Variants in AGL observed in about 807,000 individuals in gnomAD.
The protein encoded by AGL is glycogen debranching enzyme.
Under a neutral mutation model 199.3 loss-of-function variants are expected in AGL, and 128 were observed. That is an observed-to-expected ratio of 0.64 (90% CI 0.56 to 0.74). The LOEUF (loss-of-function observed/expected upper bound fraction) is 0.74, where lower values mean the gene tolerates loss of function less well. Ranked by LOEUF, AGL falls within the 30% of genes least tolerant of loss-of-function variation. The pLI, the probability that AGL is intolerant of heterozygous loss-of-function variation, is 0.00. For synonymous variants in AGL, 584 were observed against 594.7 expected (o/e 0.98, Z 0.26); for missense variants, 1,809 against 1,820.8 (o/e 0.99, Z 0.12).
At chr1:99,899,833 G>T (rs1445499290) in intron 25 of AGL, among the ~76,000 whole-genome samples, 4 of 151,400 alleles carry the variant, frequency 2.6e-5, no homozygotes, top group Non-Finnish European at 5.9e-5. Context: ...TGTTAGTCAG[G>T]ATGGTCTCGA....
At chr1:99,861,168 C>T in intron 2 of AGL, 1 of 1,179,436 alleles carries the variant, frequency 8.5e-7, no homozygotes, top group Non-Finnish European at 1.1e-6. Context: ...CCATTGGGTA[C>T]TTAATTCAGG....
In AGL at chr1:99,888,095, T is replaced by A; in HGVS notation, c.2799T>A (p.Tyr933Ter). The stretch of plus-strand genomic sequence containing the variant: ...TACCAAACTGGTCAGCCCTTAAATA[T>A]GCAGGTCTTCAAGGTAAGCAAATGG... ...YDIPNWSALK[Y>*]AGLQGLMSVL... The change falls in exon 21 of 34, where the codon TAT becomes TAA. Residue 933 changes from tyrosine (Y) to a stop codon, truncating the protein, a stop_gained. Coordinates refer to ENST00000361915, the MANE Select transcript of AGL (RefSeq NM_000642.3). LOFTEE classifies it high-confidence loss of function. The A allele has an allele frequency of 1.9e-6, 3 of 1,613,214 alleles. No homozygotes were observed. The highest frequency in any genetic ancestry group is 2.5e-6 in the Non-Finnish European group (3 of 1,179,534).
intron 12 of AGL, among the ~76,000 whole-genome samples, chr1:99,878,755 A>G (rs1047171038): frequency 2.0e-5 from 3 of 152,132 alleles, no homozygotes; most frequent in Non-Finnish European, 4.4e-5. Flanking sequence ...TTCAAGTCCT[A>G]TGATGAAAAA....
chr1:99,874,835 AAATAAT>A lies in AGL; in HGVS notation c.1082+30_1082+35del, dbSNP rs751938393. On this transcript the variant is annotated intron_variant, in intron 8 of 33. Coordinates refer to ENST00000361915, the MANE Select transcript of AGL (RefSeq NM_000642.3). ...AGTATGTAATGTGTTTTTTTCTGTG[AAATAAT>A]AATATTACTTACAAACCTTTATGGC... The A allele has an allele frequency of 3.7e-6, 6 of 1,609,554 alleles. No homozygotes were observed. In the African/African-American group the frequency reaches 6.7e-5, roughly 18 times the overall value.
rs1570527979 is a variant in AGL, at chr1:99,922,346, A to G, written c.*695A>G. Reference sequence around the variant, plus strand: ...AAATTAGTATTGAGTTCTATTGAGTATTATAAGATAGCTTACATTTTCAAA... The same window carrying G: ...AAATTAGTATTGAGTTCTATTGAGTGTTATAAGATAGCTTACATTTTCAAA... On this transcript the variant is annotated 3_prime_UTR_variant, in exon 34 of 34. Coordinates refer to ENST00000361915, the MANE Select transcript of AGL (RefSeq NM_000642.3). The G allele has an allele frequency of 6.6e-6, 1 of 151,976 alleles. No individual in the cohort carries two copies. The highest frequency in any genetic ancestry group is 2.1e-4 in the South Asian group (1 of 4,818). 9.4% of individuals were successfully genotyped at this position (151,976 alleles called of 1,614,324 possible).
At chr1:99,910,910 A>C in intron 28 of AGL, 63 bp downstream of exon 28, 1 of 1,533,522 alleles carries the variant, frequency 6.5e-7, no homozygotes, top group Non-Finnish European at 8.9e-7. Context: ...TTACTTGTGG[A>C]ATCTTTTATT....
At chr1:99,897,447 A>G (rs1409170412) in intron 25 of AGL, among the ~76,000 whole-genome samples, 1 of 152,244 alleles carries the variant, frequency 6.6e-6, no homozygotes, top group Non-Finnish European at 1.5e-5. Context: ...CCTTGTTTTG[A>G]TGCCATCAGG....
At position 99,851,053 on chromosome 1, in the gene AGL, G is replaced by A. The variant is rs1257997077; in HGVS notation, c.11G>A (p.Ser4Asn). The change falls in exon 2 of 34, where the codon AGT becomes AAT. Residue 4 changes from serine to asparagine, a missense_variant. Ser to Asn is a conservative substitution (Grantham distance 46, BLOSUM62 1). Coordinates refer to ENST00000361915, the MANE Select transcript of AGL (RefSeq NM_000642.3). MGH[S>N]KQIRILLLNE... is the part of the protein sequence containing the mutation. Reference sequence around the variant, plus strand: ...CCTCTAGAAGCCAAAATGGGACACAGTAAACAGATTCGAATTTTACTTCTG... The same window carrying A: ...CCTCTAGAAGCCAAAATGGGACACAATAAACAGATTCGAATTTTACTTCTG... 8.1e-6 allele frequency: 13 copies of A among 1,613,812 alleles called. 1 individual carries two copies. The Admixed American group carries it at 1.7e-4, about 21-fold the overall frequency.
chr1:99,912,815 C>G (rs1453131511), intron 29 of AGL, among the ~76,000 whole-genome samples: 2 of 152,126 alleles, frequency 1.3e-5, no homozygotes, highest in African/African-American at 4.8e-5. Context: ...CTTTACATGT[C>G]TTTTTCTAGA....
At chr1:99,885,461 G>T (rs1218209516) in intron 20 of AGL, among the ~76,000 whole-genome samples, 1 of 152,158 alleles carries the variant, frequency 6.6e-6, no homozygotes. Flanking sequence ...TAGACGAGGG[G>T]TCCCCAACCT....
intron 27 of AGL, among the ~76,000 whole-genome samples, chr1:99,907,686 G>GGTTTTTGTTTTTTTTTTT (rs1654405237): frequency 1.7e-5 from 1 of 59,846 alleles, no homozygotes. Context: ...GTTTGTTTTT[G>GGTTTTTGTTTTTTTTTTT]TTTTTTGTTT....
At chr1:99,916,298 G>T in intron 31 of AGL, 112 bp from the exon 32 acceptor site, 1 of 853,326 alleles carries the variant, frequency 1.2e-6, no homozygotes, top group Non-Finnish European at 1.9e-6. Flanking sequence ...TTATTCTGTA[G>T]AAGACAAAAT....
chr1:99,873,184 T>C (rs1360010588), intron 7 of AGL, among the ~76,000 whole-genome samples: 1 of 152,158 alleles, frequency 6.6e-6, no homozygotes, highest in Non-Finnish European at 1.5e-5. Flanking sequence ...TTTATTTTTG[T>C]GTATTATATA....
At chr1:99,874,433 G>A (rs1275728218) in intron 7 of AGL, 1 of 351,826 alleles carries the variant, frequency 2.8e-6, no homozygotes, top group African/African-American at 2.1e-5. Flanking sequence ...AGGAATCCTT[G>A]TGTCTTTCTT....
rs1365677060 is a variant in AGL at position 99,862,325 on chromosome 1, T to A, written c.362T>A (p.Val121Glu). The part of the protein sequence containing the change: ...PILRVGADNH[V>E]LPLDCVTLQT... ...TTACGTGTTGGTGCTGATAATCATG[T>A]GCTACCCTTGGACTGTGTTACTCTT... The change falls in exon 4 of 34, where the codon GTG becomes GAG. Residue 121 changes from valine to glutamate, a missense_variant. Transcript: ENST00000361915. 1 of 1,614,128 alleles carries A rather than the reference T, an allele frequency of 6.2e-7. No homozygotes were observed. Among genetic ancestry groups the A allele is most frequent in the Non-Finnish European group, 8.5e-7 (1 of 1,179,990 alleles).
In AGL at chr1:99,875,394, C is replaced by T. The variant is rs113994128; in HGVS notation, c.1222C>T (p.Arg408Ter). 2.9e-5 allele frequency: 46 copies of T among 1,613,964 alleles called. No homozygotes were observed. Among genetic ancestry groups the T allele is most frequent in the Non-Finnish European group, 3.6e-5 (42 of 1,180,012 alleles). The part of the protein sequence containing the change: ...NCLLGNVFYE[R>*]LAGHGPKLGP... Reference sequence around the variant, plus strand: ...CCTTTTGGGAAATGTGTTTTATGAACGACTGGCTGGCCATGGTCCAAAACT... The same window carrying T: ...CCTTTTGGGAAATGTGTTTTATGAATGACTGGCTGGCCATGGTCCAAAACT... Residue 408 changes from arginine to a stop codon, truncating the protein, a stop_gained, in exon 10 of 34, where the codon CGA (arginine) becomes TGA (stop). Coordinates refer to ENST00000361915, the MANE Select transcript of AGL (RefSeq NM_000642.3). LOFTEE classifies it high-confidence loss of function.
rs1469337236 is a variant in AGL, at chr1:99,916,454, A to G, written c.4304A>G (p.Asp1435Gly). The stretch of plus-strand genomic sequence containing the variant: ...ATTTATGACAATGCATTAGACAATG[A>G]CAACTACAATCTTGCTAAAGGTTTC... ...CGIYDNALDN[D>G]NYNLAKGFNY... The change falls in exon 32 of 34, where the codon GAC becomes GGC. Residue 1435 changes from aspartate (D) to glycine (G), a missense_variant. Physicochemically the swap from Asp to Gly is moderately conservative, Grantham distance 94. Transcript: ENST00000361915. 5 of 1,612,688 alleles carry G rather than the reference A, an allele frequency of 3.1e-6. No individual in the cohort carries two copies. Among genetic ancestry groups the G allele is most frequent in the East Asian group, 2.2e-5 (1 of 44,770 alleles).
At chr1:99,890,071 A>G (rs910570722) in intron 21 of AGL, among the ~76,000 whole-genome samples, 4 of 152,184 alleles carry the variant, frequency 2.6e-5, no homozygotes, top group African/African-American at 7.2e-5. Context: ...TCAGTATCCA[A>G]TCAGTCATTA....
intron 20 of AGL, among the ~76,000 whole-genome samples, chr1:99,887,776 C>T (rs1397876601): frequency 1.3e-5 from 2 of 151,932 alleles, no homozygotes; most frequent in Admixed American, 6.6e-5. Flanking sequence ...GGAGTAATGT[C>T]GCTTCTAATT....
Sources: allele counts gnomAD v4.1 joint callset (sites outside exome capture counted in the v4.1 genomes callset), GRCh38; gene constraint gnomAD v4.1.1; transcripts MANE v1.5; gene names NCBI Gene and HGNC (gene_info 2026-07-23, HGNC 2026-07-21).